The following CLPTM1 variants were observed in gnomAD, a reference collection of about 807,000 sequenced individuals.
CLPTM1 encodes putative lipid scramblase CLPTM1.
A neutral mutation model predicts 77.3 loss-of-function variants in CLPTM1; 21 were observed. The observed-to-expected ratio is 0.27, with a 90% CI of 0.19 to 0.39. The LOEUF is 0.39. CLPTM1 is among the 10% of genes least tolerant of loss of function. CLPTM1 has a pLI of 1.00. For synonymous variants in CLPTM1, 373 were observed against 381.0 expected (o/e 0.98, Z 0.24); for missense variants, 642 against 921.2 (o/e 0.70, Z 3.92).
At chr19:44,976,406 G>A (rs1669093717) in intron 4 of CLPTM1, among the ~76,000 whole-genome samples, 1 of 152,234 alleles carries the variant, frequency 6.6e-6, no homozygotes, top group Non-Finnish European at 1.5e-5. Context: ...AATGGCCAGA[G>A]CCCAGGAGTT....
intron 7 of CLPTM1, chr19:44,986,795 C>T (rs1223517706): frequency 3.5e-6 from 2 of 576,378 alleles, no homozygotes; most frequent in Non-Finnish European, 3.0e-6. Flanking sequence ...AGCATCGGTC[C>T]GCAATCAAGT....
intron 2 of CLPTM1, among the ~76,000 whole-genome samples, chr19:44,970,962 C>G (rs1286758055): frequency 6.8e-6 from 1 of 146,008 alleles, no homozygotes; most frequent in African/African-American, 2.7e-5. Flanking sequence ...TCCCGAATAG[C>G]TGGGATTACA....
At chr19:44,977,213 C>G (rs917384777) in intron 4 of CLPTM1, 130 bp from the exon 5 acceptor site, 8 of 729,830 alleles carry the variant, frequency 1.1e-5, no homozygotes, top group Non-Finnish European at 1.9e-5. Context: ...CATGCCCCAC[C>G]CTGAGTACTC....
rs774741551 is a variant in CLPTM1 at position 44,990,576 on chromosome 19, G to A, written c.1314G>A (p.Met438Ile). ...LIDLWKITKV[M>I]DVRLDREHRV... Reference sequence around the variant, plus strand: ...ACCTCTGGAAGATCACCAAGGTCATGGACGTCCGGGTAAGGCTGGGGCGCC... The same window carrying A: ...ACCTCTGGAAGATCACCAAGGTCATAGACGTCCGGGTAAGGCTGGGGCGCC... The change falls in exon 10 of 14, where the codon ATG (methionine) becomes ATA (isoleucine). Residue 438 changes from methionine (M) to isoleucine (I), a missense_variant. Met to Ile is a conservative substitution (Grantham distance 10). Around this residue, in one of 2 missense-constraint regions of CLPTM1, gnomAD observed 521 missense variants for 800.4 expected, o/e 0.65. Transcript: ENST00000337392. The surrounding 1 kb of genome is among the most constrained non-coding windows in gnomAD (Gnocchi z 4.8). The A allele has an allele frequency of 3.7e-6, 6 of 1,613,732 alleles. No individual in the cohort carries two copies. The highest frequency in any genetic ancestry group is 1.7e-4 in the Middle Eastern group (1 of 6,008).
rs919722081 is a variant in CLPTM1 at position 44,990,354 on chromosome 19, C to G, written c.1133-41C>G. 1.9e-5 allele frequency: 30 copies of G among 1,597,240 alleles called. No homozygotes were observed. The highest frequency in any genetic ancestry group is 2.5e-5 in the Non-Finnish European group (29 of 1,167,958). On this transcript the variant is annotated intron_variant, in intron 9 of 13. Transcript: ENST00000337392. The surrounding 1 kb of genome is among the most constrained non-coding windows in gnomAD (Gnocchi z 4.8). ...AGGGAGCTGCAGTAGGGTCTCAGCA[C>G]CTCCTCAGCCTCCTGGTTCCCCCCT...
chr19:44,955,673 C>A, intron 1 of CLPTM1: 1 of 425,242 alleles, frequency 2.4e-6, no homozygotes, highest in Non-Finnish European at 3.9e-6. Context: ...GGTTCCCCTG[C>A]ACGCTCGAGC....
intron 1 of CLPTM1, among the ~76,000 whole-genome samples, chr19:44,957,239 G>A (rs943731936): frequency 6.6e-6 from 1 of 152,222 alleles, no homozygotes; most frequent in African/African-American, 2.4e-5. Context: ...TTAGCTAGTT[G>A]ATGTGTATTA....
intron 9 of CLPTM1, 97 bp downstream of exon 9, chr19:44,988,270 C>T: frequency 1.1e-6 from 1 of 903,992 alleles, no homozygotes; most frequent in Non-Finnish European, 1.8e-6. Context: ...TGTCCTCCCC[C>T]TGCCTGGGGT....
rs186579371 is a variant in CLPTM1 at position 44,979,745 on chromosome 19, G to A, written c.586+2285G>A. Among the ~76,000 whole-genome samples, 33 of 152,228 alleles carry A rather than the reference G, an allele frequency of 2.2e-4. 1 individual carries two copies. Among genetic ancestry groups the A allele is most frequent in the East Asian group, 1.9e-3 (10 of 5,168 alleles). ...CGTTGGTATGTCCCACCCGGCTGAC[G>A]TCCATGTGGTGAGATCTTTGGAGAA... On this transcript the variant is annotated intron_variant, in intron 5 of 13. Coordinates refer to ENST00000337392, the MANE Select transcript of CLPTM1 (RefSeq NM_001294.4).
rs930208683 is a variant in CLPTM1 at position 44,991,962 on chromosome 19, G to A, written c.1556-271G>A. 1.3e-5 allele frequency among the ~76,000 whole-genome samples: 2 copies of A among 152,114 alleles called. No individual in the cohort carries two copies. The highest frequency in any genetic ancestry group is 4.8e-5 in the African/African-American group (2 of 41,404). ...TAGTGAGTACTGTGAAGGGCAGAGTGGTGGGAGGATGCACATTAATAGGGG... is the reference window on the plus strand; with the variant it reads ...TAGTGAGTACTGTGAAGGGCAGAGTAGTGGGAGGATGCACATTAATAGGGG... On this transcript the variant is annotated intron_variant, in intron 12 of 13. Transcript: ENST00000337392. The surrounding 1 kb of genome is among the most constrained non-coding windows in gnomAD (Gnocchi z 5.4).
At chr19:44,969,037 T>A (rs1970678085) in intron 2 of CLPTM1, among the ~76,000 whole-genome samples, 1 of 152,148 alleles carries the variant, frequency 6.6e-6, no homozygotes, top group South Asian at 2.1e-4. Context: ...CCACCCACAC[T>A]AGAATTTACT....
At chr19:44,955,490 G>C (rs542800768) in intron 1 of CLPTM1, 23 bp downstream of exon 1, 4 of 1,283,316 alleles carry the variant, frequency 3.1e-6, no homozygotes, top group Non-Finnish European at 3.9e-6. Context: ...AGAGGGGACT[G>C]AGGGGGTTCT....
Position 44,990,258 on chromosome 19 carries a change from G to C in CLPTM1, c.1133-137G>C. ...ATGAGAGCCTTCCTGGGAGAGAGGG[G>C]TCTCGTTCAGCACCCCTCCTGAGGA... is the stretch of plus-strand genomic sequence containing the variant. On this transcript the variant is annotated intron_variant, in intron 9 of 13. Coordinates refer to ENST00000337392, the MANE Select transcript of CLPTM1 (RefSeq NM_001294.4). This position sits in a 1 kb window ranked among gnomAD's most constrained non-coding sequence, Gnocchi z 4.8. 1.2e-6 allele frequency: 1 copy of C among 800,152 alleles called. No individual in the cohort carries two copies. The highest frequency in any genetic ancestry group is 2.0e-6 in the Non-Finnish European group (1 of 494,770). 49.6% of individuals were successfully genotyped at this position (800,152 alleles called of 1,614,324 possible). A position where few individuals can be genotyped will look rare whatever the true frequency, so the allele number is the denominator to read the frequency against.
chr19:44,978,713 A>G (rs1268827066), intron 5 of CLPTM1, among the ~76,000 whole-genome samples: 2 of 152,200 alleles, frequency 1.3e-5, no homozygotes, highest in Non-Finnish European at 2.9e-5. Flanking sequence ...CCACTAATCC[A>G]TGAATGGGTT....
At chr19:44,986,601 C>T (rs370515908) in intron 7 of CLPTM1, 26 bp downstream of exon 7, 150 of 1,610,152 alleles carry the variant, frequency 9.3e-5, no homozygotes, top group Admixed American at 2.3e-4. Flanking sequence ...CTGCCAGCTG[C>T]CTGCAGAGCC....
rs144871053 is a variant in CLPTM1 at position 44,992,657 on chromosome 19, C to G, written c.1770C>G (p.Val590=). ...TCTACCAACGGTGGATCTACCGCGT[C>G]GACCCCACCCGAGTCAACGAGTTTG... is the stretch of plus-strand genomic sequence containing the variant. ...IYLYQRWIYR[V]DPTRVNEFGM... The change falls in exon 14 of 14, where the codon GTC becomes GTG. Residue 590 remains valine (V), a synonymous_variant. Transcript: ENST00000337392. This position sits in a 1 kb window ranked among gnomAD's most constrained non-coding sequence, Gnocchi z 7.7. 5.0e-6 allele frequency: 8 copies of G among 1,613,842 alleles called. No homozygotes were observed. The African/African-American group carries it at 1.1e-4, about 22-fold the overall frequency.
At chr19:44,986,830 C>CA (rs1345280490) in intron 7 of CLPTM1, 4 of 539,584 alleles carry the variant, frequency 7.4e-6, no homozygotes, top group Non-Finnish European at 9.7e-6. Flanking sequence ...AAACTGTTTT[C>CA]AAAAAATGTC....
In CLPTM1 at chr19:44,991,519, G is replaced by T. The variant is rs968799186; in HGVS notation, c.1555+146G>T. The stretch of plus-strand genomic sequence containing the variant: ...ATAGGGAGGCCCGAGGGCACACATG[G>T]CCCCATCTGGGGTCAGAGAGGACTT... On this transcript the variant is annotated intron_variant, in intron 12 of 13. Coordinates refer to ENST00000337392, the MANE Select transcript of CLPTM1 (RefSeq NM_001294.4). The surrounding 1 kb of genome is among the most constrained non-coding windows in gnomAD (Gnocchi z 5.4). The T allele has an allele frequency of 2.2e-6, 2 of 902,264 alleles. No homozygotes were observed. The highest frequency in any genetic ancestry group is 1.7e-6 in the Non-Finnish European group (1 of 597,676). The allele number at this position is 902,264 out of a possible 1,614,324, so 55.9% of individuals were successfully genotyped here.
At chr19:44,959,790 A>G (rs116333771) in intron 1 of CLPTM1, among the ~76,000 whole-genome samples, 1,933 of 152,324 alleles carry the variant, frequency 0.013, 39 homozygotes, top group African/African-American at 0.042. Flanking sequence ...CCCTAGCAGC[A>G]TACGAGGGTT....
Sources: allele counts gnomAD v4.1 joint callset (sites outside exome capture counted in the v4.1 genomes callset), GRCh38; gene constraint gnomAD v4.1.1; regional missense constraint gnomAD v4.1.1; non-coding constraint Gnocchi (gnomAD v3.1); transcripts MANE v1.5; gene names NCBI Gene and HGNC (gene_info 2026-07-23, HGNC 2026-07-21).